Variants in ALG9 observed in about 807,000 individuals in gnomAD.
ALG9 encodes the protein ALG9 alpha-1,2-mannosyltransferase, also known as alpha-1,2-mannosyltransferase ALG9.
A neutral mutation model predicts 81.8 loss-of-function variants in ALG9; 55 were observed. That is an observed-to-expected ratio of 0.67 (90% confidence interval 0.54 to 0.84). The LOEUF (loss-of-function observed/expected upper bound fraction) is 0.84, where lower values mean the gene tolerates loss of function less well. Ranked by LOEUF, ALG9 falls within the 40% of genes least tolerant of loss-of-function variation. The pLI is 0.00. For missense variants in ALG9, 629 were observed against 745.0 expected, an observed-to-expected ratio of 0.84 and a Z score of 1.81; for synonymous variants, 278 against 274.3, an observed-to-expected ratio of 1.01 and a Z score of -0.13.
At chr11:111,833,381 T>C (rs1464297444) in intron 13 of ALG9, among the ~76,000 whole-genome samples, 3 of 152,178 alleles carry the variant, frequency 2.0e-5, no homozygotes, top group African/African-American at 7.2e-5. Context: ...AGCTACTCAA[T>C]ACCTACCATG....
chr11:111,817,713 CCTT>C (rs1383890345), intron 13 of ALG9, among the ~76,000 whole-genome samples: 2 of 151,870 alleles, frequency 1.3e-5, no homozygotes, highest in South Asian at 2.1e-4. Context: ...CTCTACATCA[CCTT>C]CTGATATTTC....
At chr11:111,857,881 G>A in intron 5 of ALG9, 144 bp from the exon 6 acceptor site, 1 of 897,122 alleles carries the variant, frequency 1.1e-6, no homozygotes, top group South Asian at 1.5e-5. Flanking sequence ...ATATTAGAAA[G>A]GACAGCAAAG....
chr11:111,857,982 A>G, intron 5 of ALG9: 2 of 424,208 alleles, frequency 4.7e-6, no homozygotes, highest in Non-Finnish European at 8.8e-6. Context: ...CTCTATCACC[A>G]GGCTGGAGTG....
At chr11:111,797,461 T>C (rs567686159) in intron 14 of ALG9, among the ~76,000 whole-genome samples, 243 of 152,354 alleles carry the variant, frequency 1.6e-3, no homozygotes, top group African/African-American at 5.6e-3. Context: ...TGATGGCTAA[T>C]GCATTACAGA....
intron 14 of ALG9, among the ~76,000 whole-genome samples, 185 bp downstream of exon 14, chr11:111,809,458 A>G (rs782694434): frequency 6.6e-6 from 1 of 152,058 alleles, no homozygotes; most frequent in African/African-American, 2.4e-5. Flanking sequence ...TGAACCCAGG[A>G]GTCAGAGGTT....
chr11:111,792,988 C>CT (rs1346885611), intron 14 of ALG9, among the ~76,000 whole-genome samples: 3 of 151,992 alleles, frequency 2.0e-5, no homozygotes, highest in Non-Finnish European at 2.9e-5. Flanking sequence ...ATTGTAATTT[C>CT]TTTTTTTTCT....
chr11:111,795,202 C>T (rs1948072342), intron 14 of ALG9, among the ~76,000 whole-genome samples: 1 of 152,206 alleles, frequency 6.6e-6, no homozygotes, highest in African/African-American at 2.4e-5. Context: ...GAATGAGCGC[C>T]TATGCTCTGA....
At chr11:111,842,550 T>C (rs1555124951) in intron 9 of ALG9, among the ~76,000 whole-genome samples, 1 of 151,558 alleles carries the variant, frequency 6.6e-6, no homozygotes, top group Non-Finnish European at 1.5e-5. Context: ...GCCTCCCAAG[T>C]AGCTGGGACT....
chr11:111,869,321 T>G (rs782007585), intron 2 of ALG9, among the ~76,000 whole-genome samples: 1 of 152,204 alleles, frequency 6.6e-6, no homozygotes, highest in Middle Eastern at 3.2e-3. Context: ...ATTTTTTTAA[T>G]TCAAAATGTG....
At chr11:111,818,982 T>C (rs1951925029) in intron 13 of ALG9, among the ~76,000 whole-genome samples, 3 of 152,004 alleles carry the variant, frequency 2.0e-5, no homozygotes, top group African/African-American at 2.4e-5. Context: ...CAGCCAAGGA[T>C]GAAGGGAACC....
chr11:111,838,667 AT>A (rs1362995900), intron 10 of ALG9, among the ~76,000 whole-genome samples: 10 of 152,018 alleles, frequency 6.6e-5, no homozygotes, highest in African/African-American at 2.2e-4. Flanking sequence ...CTAATAAGTT[AT>A]TTTTTTTAAA....
intron 13 of ALG9, among the ~76,000 whole-genome samples, chr11:111,810,134 C>T (rs1206497648): frequency 6.6e-6 from 1 of 152,172 alleles, no homozygotes; most frequent in Non-Finnish European, 1.5e-5. Context: ...ATTCCACAGA[C>T]TCAAAGGGCA....
At chr11:111,842,950 T>C (rs1956445849) in intron 9 of ALG9, among the ~76,000 whole-genome samples, 1 of 151,978 alleles carries the variant, frequency 6.6e-6, no homozygotes, top group South Asian at 2.1e-4. Flanking sequence ...ATAATTATTA[T>C]TGTTGTTTTT....
Position 111,785,983 on chromosome 11 carries a change from G to C in ALG9, c.*414C>G. ...GTGGAGAAGCCCATATGGCCTAAGA[G>C]AGGCTTGCTAGTTCTCAGATGCCAG... On this transcript the variant is annotated 3_prime_UTR_variant, in exon 15 of 15. Coordinates refer to ENST00000616540, the MANE Select transcript of ALG9 (RefSeq NM_024740.2). 7 of 456,546 alleles carry C rather than the reference G, an allele frequency of 1.5e-5. No homozygotes were observed. The highest frequency in any genetic ancestry group is 1.1e-4 in the South Asian group (7 of 64,494). The allele number at this position is 456,546 out of a possible 1,614,324, so 28.3% of individuals were successfully genotyped here.
At chr11:111,869,822 T>C (rs1180818932) in intron 2 of ALG9, among the ~76,000 whole-genome samples, 2 of 152,190 alleles carry the variant, frequency 1.3e-5, no homozygotes, top group Admixed American at 6.5e-5. Flanking sequence ...CCCCCATCTC[T>C]GTTTTTTGAG....
intron 13 of ALG9, among the ~76,000 whole-genome samples, chr11:111,818,733 C>T (rs1249105675): frequency 6.6e-6 from 1 of 152,142 alleles, no homozygotes; most frequent in African/African-American, 2.4e-5. Flanking sequence ...GGGGCTGTGT[C>T]TATCTCATTC....
At position 111,838,412 on chromosome 11, in the gene ALG9, A is replaced by G; in HGVS notation, c.1174-13T>C. 1.2e-6 allele frequency: 2 copies of G among 1,601,144 alleles called. No individual in the cohort carries two copies. Among genetic ancestry groups the G allele is most frequent in the East Asian group, 4.5e-5 (2 of 44,694 alleles). On this transcript the variant is annotated splice_polypyrimidine_tract_variant and intron_variant, in intron 10 of 14. Coordinates refer to ENST00000616540, the MANE Select transcript of ALG9 (RefSeq NM_024740.2). ...ACAGAAAACTGTGCTGATAAAAGAA[A>G]ATATAATTTGTAGAATATACATAAT...
intron 14 of ALG9, among the ~76,000 whole-genome samples, chr11:111,801,193 T>C (rs1351463540): frequency 6.6e-6 from 1 of 152,200 alleles, no homozygotes; most frequent in Non-Finnish European, 1.5e-5. Flanking sequence ...CTCCAGTAAA[T>C]AAGTGTGAAG....
In ALG9 at chr11:111,871,385, C is replaced by T. The variant is rs1964247669; in HGVS notation, c.98G>A (p.Ser33Asn). The stretch of plus-strand genomic sequence containing the variant: ...GTGCTCCGCGCCGCCCGCCTCTCGG[C>T]TGCCCAGCAGCTCCCGCAGCTTGTC... ...AADKLRELLG[S>N]REAGGAEHRT... The change falls in exon 1 of 15, where the codon AGC becomes AAC. Residue 33 changes from serine to asparagine, a missense_variant. Physicochemically the swap from Ser to Asn is conservative, Grantham distance 46. Coordinates refer to ENST00000616540, the MANE Select transcript of ALG9 (RefSeq NM_024740.2). 6.5e-7 allele frequency: 1 copy of T among 1,533,822 alleles called. No homozygotes were observed. The highest frequency in any genetic ancestry group is 8.7e-7 in the Non-Finnish European group (1 of 1,145,918).
Sources: allele counts gnomAD v4.1 joint callset (sites outside exome capture counted in the v4.1 genomes callset), GRCh38; gene constraint gnomAD v4.1.1; transcripts MANE v1.5; gene names NCBI Gene and HGNC (gene_info 2026-07-23, HGNC 2026-07-21).